The following TNFAIP8 variants were observed in gnomAD, a reference collection of about 807,000 sequenced individuals.
TNFAIP8 encodes the protein tumor necrosis factor alpha-induced protein 8.
In TNFAIP8, 7 loss-of-function variants were observed where a neutral mutation model predicts 13.3. That is an observed-to-expected ratio of 0.52 (90% CI 0.30 to 0.99). The LOEUF (loss-of-function observed/expected upper bound fraction) is 0.99. TNFAIP8 is among the 50% of genes least tolerant of loss of function. The pLI, the probability that TNFAIP8 is intolerant of heterozygous loss-of-function variation, is 0.07. For missense variants in TNFAIP8, 258 were observed against 236.9 expected, an observed-to-expected ratio of 1.09 and a Z score of -0.58; for synonymous variants, 94 against 87.6, an observed-to-expected ratio of 1.07 and a Z score of -0.41.
At chr5:119,364,809 A>G (rs1050098726) in intron 1 of TNFAIP8, among the ~76,000 whole-genome samples, 2 of 148,386 alleles carry the variant, frequency 1.3e-5, no homozygotes, top group Non-Finnish European at 3.0e-5. Flanking sequence ...TTTTTAAGGT[A>G]ATGAAGGGTT....
In TNFAIP8 at chr5:119,356,058, G is replaced by T. The variant is rs1367063051; in HGVS notation, c.-33G>T. On this transcript the variant is annotated 5_prime_UTR_variant, in exon 1 of 2. Coordinates refer to ENST00000504771, the MANE Select transcript of TNFAIP8 (RefSeq NM_014350.4). ...CGGCTCGTCCGAGTACATGTGAGCG[G>T]TAATCGCCCCTGCAGCTGGTTATCC... The T allele has an allele frequency of 6.4e-7, 1 of 1,564,534 alleles. No individual in the cohort carries two copies. Among genetic ancestry groups the T allele is most frequent in the East Asian group, 2.4e-5 (1 of 41,912 alleles).
chr5:119,355,630 A>G (rs1222634086), upstream of TNFAIP8: 1 of 473,284 alleles, frequency 2.1e-6, no homozygotes, highest in Non-Finnish European at 3.7e-6. Context: ...GTTCTACCCT[A>G]TATGCATTTG....
intron 1 of TNFAIP8, among the ~76,000 whole-genome samples, chr5:119,330,660 A>C (rs1750348832): frequency 6.6e-6 from 1 of 152,116 alleles, no homozygotes; most frequent in African/African-American, 2.4e-5. Flanking sequence ...GGGGAGAGTG[A>C]AATGATGTAA....
rs570111129 is a variant in TNFAIP8, at chr5:119,350,259, G to A, written c.2-42557G>A. Among the ~76,000 whole-genome samples, 14 of 152,270 alleles carry A rather than the reference G, an allele frequency of 9.2e-5. No individual in the cohort carries two copies. In the South Asian group the frequency reaches 1.9e-3, roughly 20 times the overall value. On this transcript the variant is annotated intron_variant, in intron 1 of 1. Coordinates refer to the TNFAIP8 transcript ENST00000274456. ...CCAAAAAGCCAAACTTGAATGTGCC[G>A]CTACTATGTTGAATTTACGTGAATG...
chr5:119,335,591 C>A (rs1349189436), intron 1 of TNFAIP8, among the ~76,000 whole-genome samples: 1 of 151,986 alleles, frequency 6.6e-6, no homozygotes, highest in Non-Finnish European at 1.5e-5. Context: ...CCCCACAGAC[C>A]CCAGACCAAA....
chr5:119,309,790 A>G (rs1749675778), intron 1 of TNFAIP8, among the ~76,000 whole-genome samples: 1 of 152,178 alleles, frequency 6.6e-6, no homozygotes, highest in African/African-American at 2.4e-5. Context: ...AGGTTGGAAA[A>G]TTCTGCTCTT....
At chr5:119,355,136 A>C, upstream of TNFAIP8, 1 of 587,972 alleles carries the variant, frequency 1.7e-6, no homozygotes, top group Non-Finnish European at 3.1e-6. Flanking sequence ...CGGGGGCAGA[A>C]TTGAGATCTG....
chr5:119,322,313 T>C (rs1750084285), intron 1 of TNFAIP8, among the ~76,000 whole-genome samples: 1 of 152,250 alleles, frequency 6.6e-6, no homozygotes, highest in African/African-American at 2.4e-5. Flanking sequence ...TATACATACT[T>C]GTGGCTGAAT....
At chr5:119,355,230 C>G (rs2112769806), upstream of TNFAIP8, 2 of 691,080 alleles carry the variant, frequency 2.9e-6, no homozygotes, top group South Asian at 1.5e-5. Flanking sequence ...GGAATTCATC[C>G]CCAGTTTTTG....
intron 1 of TNFAIP8, among the ~76,000 whole-genome samples, chr5:119,374,970 G>A (rs1352138273): frequency 6.6e-6 from 1 of 152,114 alleles, no homozygotes; most frequent in African/African-American, 2.4e-5. Flanking sequence ...GGTAATAGTT[G>A]CACAACATTG....
At chr5:119,280,251 A>G (rs556910139) in intron 1 of TNFAIP8, among the ~76,000 whole-genome samples, 1 of 152,214 alleles carries the variant, frequency 6.6e-6, no homozygotes, top group African/African-American at 2.4e-5. Flanking sequence ...CTGACTTTAT[A>G]GTAATTACTT....
chr5:119,285,733 T>G (rs929864529), intron 1 of TNFAIP8, among the ~76,000 whole-genome samples: 3 of 152,194 alleles, frequency 2.0e-5, no homozygotes, highest in African/African-American at 7.2e-5. Flanking sequence ...AAGCGTTCAT[T>G]ACAGCATTGT....
intron 1 of TNFAIP8, among the ~76,000 whole-genome samples, chr5:119,361,508 TAGTGAATAATAGTTA>T (rs1420048091): frequency 1.3e-5 from 2 of 152,148 alleles, no homozygotes; most frequent in African/African-American, 4.8e-5. Flanking sequence ...TCCAGCTTTG[TAGTGAATAATAGTTA>T]ATTTTATAAG....
chr5:119,338,509 T>C (rs1026942063), intron 1 of TNFAIP8, among the ~76,000 whole-genome samples: 2 of 152,224 alleles, frequency 1.3e-5, no homozygotes, highest in African/African-American at 4.8e-5. Flanking sequence ...ATGGCCCTGC[T>C]GGAGAGGAGG....
At chr5:119,287,177 T>C (rs1748824055) in intron 1 of TNFAIP8, among the ~76,000 whole-genome samples, 1 of 152,104 alleles carries the variant, frequency 6.6e-6, no homozygotes, top group Non-Finnish European at 1.5e-5. Flanking sequence ...TGTAGTTCTT[T>C]CTAGTCTCCT....
At chr5:119,293,125 G>C (rs1028333934) in intron 1 of TNFAIP8, among the ~76,000 whole-genome samples, 4 of 151,900 alleles carry the variant, frequency 2.6e-5, no homozygotes, top group African/African-American at 9.7e-5. Flanking sequence ...CATGATTTTT[G>C]ATATATATGC....
At chr5:119,316,532 G>C (rs764329966) in intron 1 of TNFAIP8, among the ~76,000 whole-genome samples, 1 of 152,164 alleles carries the variant, frequency 6.6e-6, no homozygotes, top group Non-Finnish European at 1.5e-5. Context: ...AGTGTGGAGA[G>C]ATACAATGCA....
At chr5:119,289,443 AG>A (rs1448431923) in intron 1 of TNFAIP8, among the ~76,000 whole-genome samples, 2 of 152,262 alleles carry the variant, frequency 1.3e-5, no homozygotes, top group Non-Finnish European at 2.9e-5. Context: ...GGCTGTACTT[AG>A]CCATAACTTC....
chr5:119,302,383 C>G (rs1422143502), intron 1 of TNFAIP8, among the ~76,000 whole-genome samples: 9 of 152,066 alleles, frequency 5.9e-5, no homozygotes. Flanking sequence ...TTTTTTTCTC[C>G]TCTATTTTTA....
Sources: gnomAD v4.1 joint callset for allele counts (sites outside exome capture counted in the v4.1 genomes callset) on GRCh38, gnomAD v4.1.1 for gene constraint, MANE v1.5 for transcripts, NCBI Gene and HGNC (gene_info 2026-07-23, HGNC 2026-07-21) for gene names.